Variants in REC114 observed in about 807,000 individuals in gnomAD.
REC114 encodes meiotic recombination protein REC114.
In REC114, 27 loss-of-function variants were observed where a neutral mutation model predicts 31.3. The ratio of observed to expected loss-of-function variants is 0.86; its 90% CI spans 0.64 to 1.19. REC114 has a LOEUF of 1.19. REC114 is among the 50% of genes most tolerant of loss of function. REC114 has a pLI of 0.00. For missense variants in REC114, 344 were observed against 326.9 expected (o/e 1.05, Z -0.40); for synonymous variants, 134 against 127.7 (o/e 1.05, Z -0.33).
chr15:73,547,140 A>G (rs1349229393), intron 3 of REC114, among the ~76,000 whole-genome samples: 1 of 152,174 alleles, frequency 6.6e-6, no homozygotes, highest in Non-Finnish European at 1.5e-5. Context: ...ATATTTGCAA[A>G]CTACCCATAT....
At chr15:73,475,202 T>G (rs1410665048) in intron 2 of REC114, among the ~76,000 whole-genome samples, 2 of 152,236 alleles carry the variant, frequency 1.3e-5, no homozygotes, top group African/African-American at 2.4e-5. Flanking sequence ...CAGTGGTGAC[T>G]ATTATGAACA....
At chr15:73,536,200 C>A (rs1026092839) in intron 2 of REC114, among the ~76,000 whole-genome samples, 5 of 152,172 alleles carry the variant, frequency 3.3e-5, no homozygotes, top group Non-Finnish European at 7.3e-5. Flanking sequence ...CTAAAGAGTT[C>A]TCCACTCTTT....
intron 1 of REC114, among the ~76,000 whole-genome samples, chr15:73,471,995 A>G (rs1893139487): frequency 6.6e-6 from 1 of 152,196 alleles, no homozygotes; most frequent in Non-Finnish European, 1.5e-5. Context: ...GACAGCAAAC[A>G]CTAGAGGACC....
chr15:73,485,927 G>T (rs956104224), intron 2 of REC114, among the ~76,000 whole-genome samples: 25 of 152,196 alleles, frequency 1.6e-4, no homozygotes, highest in Non-Finnish European at 2.6e-4. Flanking sequence ...TGTGTGTTTT[G>T]TTATTTCTCT....
intron 4 of REC114, among the ~76,000 whole-genome samples, chr15:73,552,975 C>T (rs1894412888): frequency 1.3e-5 from 2 of 152,056 alleles, no homozygotes; most frequent in African/African-American, 4.8e-5. Flanking sequence ...CCACCATGCC[C>T]AGCTAATTTT....
chr15:73,466,256 T>C (rs1321590717), intron 1 of REC114, among the ~76,000 whole-genome samples: 3 of 152,030 alleles, frequency 2.0e-5, no homozygotes. Context: ...TTTTTTTAAG[T>C]AAAATTAAGC....
intron 5 of REC114, among the ~76,000 whole-genome samples, chr15:73,557,496 A>G (rs1335206278): frequency 1.3e-5 from 2 of 152,122 alleles, no homozygotes; most frequent in African/African-American, 4.8e-5. Context: ...AATCATATAG[A>G]ATAAAAAACT....
Position 73,540,536 on chromosome 15 carries a change from G to T in REC114, c.301G>T (p.Val101Leu), listed in dbSNP as rs182542888. The T allele has an allele frequency of 2.4e-4, 390 of 1,613,910 alleles. 2 individuals are homozygous for T. In the East Asian group the frequency reaches 8.6e-3, roughly 36 times the overall value. The change falls in exon 3 of 6, where the codon GTG becomes TTG. Residue 101 changes from valine (V) to leucine (L), a missense_variant. Coordinates refer to ENST00000331090, the MANE Select transcript of REC114 (RefSeq NM_001042367.2). ...SKDWLKIVRRVDCLLFGTTIK... is the reference protein window; with the variant it reads ...SKDWLKIVRRLDCLLFGTTIK... ...GGACTGGTTGAAGATTGTAAGACGC[G>T]TGGATTGTCTGTTGTTTGGAACAAC...
rs541430632 is a variant in REC114, at chr15:73,544,457, T to C, written c.333+3889T>C. On this transcript the variant is annotated intron_variant, in intron 3 of 5. Transcript: ENST00000331090. ...ATATAAATTCTATGAGTAGTAAACATTATATTTCTTTTCTCTCTGAACTGA... is the reference window on the plus strand; with the variant it reads ...ATATAAATTCTATGAGTAGTAAACACTATATTTCTTTTCTCTCTGAACTGA... 5.4e-4 allele frequency among the ~76,000 whole-genome samples: 82 copies of C among 152,346 alleles called. 6 individuals carry two copies. The South Asian group carries it at 0.016, about 29-fold the overall frequency.
At chr15:73,546,561 T>C (rs932034927) in intron 3 of REC114, among the ~76,000 whole-genome samples, 2 of 152,210 alleles carry the variant, frequency 1.3e-5, no homozygotes, top group Non-Finnish European at 2.9e-5. Flanking sequence ...TTAAAAATTA[T>C]GTTATAGAAC....
chr15:73,526,489 A>G (rs1300952986), intron 2 of REC114, among the ~76,000 whole-genome samples: 4 of 152,062 alleles, frequency 2.6e-5, no homozygotes, highest in African/African-American at 9.7e-5. Context: ...ACCACCCACC[A>G]TGGCTGTTGT....
intron 2 of REC114, among the ~76,000 whole-genome samples, chr15:73,485,153 T>C (rs1893348078): frequency 6.6e-6 from 1 of 152,116 alleles, no homozygotes; most frequent in Non-Finnish European, 1.5e-5. Context: ...GCACGATCCC[T>C]GCTCACTGCA....
intron 1 of REC114, among the ~76,000 whole-genome samples, chr15:73,447,371 A>C (rs1261605756): frequency 1.3e-5 from 2 of 152,160 alleles, no homozygotes; most frequent in African/African-American, 2.4e-5. Flanking sequence ...ACGTAATCCA[A>C]CATTTGTAAG....
At chr15:73,505,000 G>C (rs564743622) in intron 2 of REC114, among the ~76,000 whole-genome samples, 4 of 152,112 alleles carry the variant, frequency 2.6e-5, no homozygotes, top group African/African-American at 9.6e-5. Flanking sequence ...TGTTCCTCTA[G>C]TCCTCTGTAC....
At chr15:73,506,198 T>G (rs542169006) in intron 2 of REC114, among the ~76,000 whole-genome samples, 2 of 152,364 alleles carry the variant, frequency 1.3e-5, no homozygotes, top group Middle Eastern at 3.4e-3. Context: ...AAAGCTTTAC[T>G]TTTTTTGTAT....
At chr15:73,448,104 T>G (rs1019855484) in intron 1 of REC114, among the ~76,000 whole-genome samples, 8 of 152,052 alleles carry the variant, frequency 5.3e-5, no homozygotes, top group African/African-American at 1.7e-4. Flanking sequence ...TGTTTGTTTT[T>G]TTTTTTTCAC....
At chr15:73,506,992 T>C (rs1031267856) in intron 2 of REC114, among the ~76,000 whole-genome samples, 4 of 152,116 alleles carry the variant, frequency 2.6e-5, no homozygotes, top group Non-Finnish European at 5.9e-5. Context: ...ATGCTCAGAA[T>C]CTGTAAAAGA....
At chr15:73,538,458 T>TC (rs1555404369) in intron 2 of REC114, among the ~76,000 whole-genome samples, 5 of 120,176 alleles carry the variant, frequency 4.2e-5, no homozygotes, top group Admixed American at 2.3e-4. Flanking sequence ...TCTATTTCTT[T>TC]TTTTTTTTTT....
chr15:73,477,276 T>C (rs887217510), intron 2 of REC114, among the ~76,000 whole-genome samples: 1 of 152,222 alleles, frequency 6.6e-6, no homozygotes, highest in Non-Finnish European at 1.5e-5. Flanking sequence ...TTCAAATATT[T>C]CTACCAGTTT....
Sources: allele counts gnomAD v4.1 joint callset (sites outside exome capture counted in the v4.1 genomes callset), GRCh38; gene constraint gnomAD v4.1.1; transcripts MANE v1.5; gene names NCBI Gene and HGNC (gene_info 2026-07-23, HGNC 2026-07-21).